The following LHFPL3 variants were observed in gnomAD, a reference collection of about 807,000 sequenced individuals.
LHFPL3 encodes LHFPL tetraspan subfamily member 3 protein.
In LHFPL3, 5 loss-of-function variants were observed where a neutral mutation model predicts 19.3. The observed-to-expected ratio is 0.26, with a 90% CI of 0.14 to 0.54. LHFPL3 has a LOEUF of 0.54. LHFPL3 is among the 20% of genes least tolerant of loss of function. LHFPL3 has a pLI of 0.94. For missense variants in LHFPL3, 249 were observed against 307.4 expected, an observed-to-expected ratio of 0.81 and a Z score of 1.42; for synonymous variants, 133 against 126.2, an observed-to-expected ratio of 1.05 and a Z score of -0.36.
At position 104,818,780 on chromosome 7, in the gene LHFPL3, T is replaced by TTC. The variant is rs147373563; in HGVS notation, c.682+81890_682+81891dup. 2.4e-3 allele frequency among the ~76,000 whole-genome samples: 357 copies of TTC among 148,292 alleles called. 1 individual carries two copies. The highest frequency in any genetic ancestry group is 7.1e-3 in the Middle Eastern group (2 of 280). ...TTTGTTTTAATAAGCCCTTTCTCCT[T>TTC]TCTCTCTCTCTCTCTCTCTCTCACT... On this transcript the variant is annotated intron_variant, in intron 2 of 2. Transcript: ENST00000424859.
intron 1 of LHFPL3, among the ~76,000 whole-genome samples, chr7:104,693,799 T>C (rs1792949870): frequency 6.6e-6 from 1 of 151,346 alleles, no homozygotes; most frequent in Non-Finnish European, 1.5e-5. Flanking sequence ...GTGGGGTTTT[T>C]TTTTTGTATT....
At chr7:104,728,305 AC>A (rs1793627697) in intron 1 of LHFPL3, among the ~76,000 whole-genome samples, 1 of 151,854 alleles carries the variant, frequency 6.6e-6, no homozygotes, top group South Asian at 2.1e-4. Flanking sequence ...TTATATAGCA[AC>A]CCTCTTGCTA....
At chr7:104,693,523 T>G (rs1238471046) in intron 1 of LHFPL3, among the ~76,000 whole-genome samples, 1 of 152,148 alleles carries the variant, frequency 6.6e-6, no homozygotes, top group East Asian at 1.9e-4. Context: ...GTTCTCATGA[T>G]AGTGCGTGAG....
chr7:104,659,111 C>G (rs766395056), intron 1 of LHFPL3, among the ~76,000 whole-genome samples: 1 of 152,202 alleles, frequency 6.6e-6, no homozygotes, highest in African/African-American at 2.4e-5. Flanking sequence ...CCCACGGAAC[C>G]CCCTTCTTCT....
At chr7:104,631,352 A>T (rs1036287769) in intron 1 of LHFPL3, among the ~76,000 whole-genome samples, 11 of 151,458 alleles carry the variant, frequency 7.3e-5, no homozygotes, top group African/African-American at 2.7e-4. Flanking sequence ...ATGTCCCCCC[A>T]ACCCAACTCT....
intron 1 of LHFPL3, among the ~76,000 whole-genome samples, chr7:104,501,986 C>T (rs1365897283): frequency 6.6e-6 from 1 of 152,126 alleles, no homozygotes; most frequent in Non-Finnish European, 1.5e-5. Flanking sequence ...TCAAAATAAT[C>T]AGATTGTGCT....
At chr7:104,768,125 T>C (rs1794489806) in intron 2 of LHFPL3, among the ~76,000 whole-genome samples, 1 of 134,342 alleles carries the variant, frequency 7.4e-6, no homozygotes, top group Admixed American at 8.1e-5. Flanking sequence ...CAAACACCCT[T>C]GTGATTATTC....
intron 1 of LHFPL3, among the ~76,000 whole-genome samples, chr7:104,650,066 T>C (rs1339259236): frequency 6.6e-6 from 1 of 152,272 alleles, no homozygotes; most frequent in South Asian, 2.1e-4. Context: ...TTTATTCCCA[T>C]TCAAGAAGTG....
At chr7:104,695,212 T>G (rs1173573551) in intron 1 of LHFPL3, among the ~76,000 whole-genome samples, 1 of 152,308 alleles carries the variant, frequency 6.6e-6, no homozygotes, top group Non-Finnish European at 1.5e-5. Flanking sequence ...ACTCCTGGCC[T>G]CACTTCAGCC....
At chr7:104,484,185 C>A (rs752563429) in intron 1 of LHFPL3, among the ~76,000 whole-genome samples, 9 of 152,056 alleles carry the variant, frequency 5.9e-5, no homozygotes, top group Non-Finnish European at 1.2e-4. Context: ...TGTGTCCTAC[C>A]TCTTCAGCCA....
Position 104,372,997 on chromosome 7 carries a change from C to CAAAAAAAA in LHFPL3, c.445+43777_445+43784dup, listed in dbSNP as rs58010609. 3.5e-4 allele frequency among the ~76,000 whole-genome samples: 44 copies of CAAAAAAAA among 126,428 alleles called. 2 individuals carry two copies. Among genetic ancestry groups the CAAAAAAAA allele is most frequent in the East Asian group, 1.1e-3 (5 of 4,538 alleles). 82.9% of individuals were successfully genotyped at this position (126,428 alleles called of 152,430 possible). A position where few individuals can be genotyped will look rare whatever the true frequency, so the allele number is the denominator to read the frequency against. On this transcript the variant is annotated intron_variant, in intron 1 of 2. Coordinates refer to ENST00000424859, the MANE Select transcript of LHFPL3 (RefSeq NM_199000.3). ...CAAAGTTTTCCTGAGAGCTTCTTTACAAAAAAAAAAAGCAGTTCCCTGGGC... is the reference window on the plus strand; with the variant it reads ...CAAAGTTTTCCTGAGAGCTTCTTTACAAAAAAAAAAAAAAAAAAAGCAGTTCCCTGGGC...
chr7:104,559,956 G>T (rs1789951079), intron 1 of LHFPL3, among the ~76,000 whole-genome samples: 1 of 150,188 alleles, frequency 6.7e-6, no homozygotes, highest in South Asian at 2.1e-4. Context: ...TTTTGTCGTT[G>T]GTTCTGTTTA....
intron 1 of LHFPL3, among the ~76,000 whole-genome samples, chr7:104,578,246 A>G (rs1251925836): frequency 6.6e-6 from 1 of 152,218 alleles, no homozygotes; most frequent in Admixed American, 6.5e-5. Context: ...AGGTGTGGGT[A>G]ACTCCTAGAG....
At chr7:104,378,226 C>A (rs10263185) in intron 1 of LHFPL3, among the ~76,000 whole-genome samples, 3,460 of 152,276 alleles carry the variant, frequency 0.023, 133 homozygotes, top group African/African-American at 0.078. Context: ...TGCCTTTTTG[C>A]AGTTATCCCC....
At chr7:104,828,939 G>T (rs1401353780) in intron 2 of LHFPL3, among the ~76,000 whole-genome samples, 1 of 151,924 alleles carries the variant, frequency 6.6e-6, no homozygotes, top group Non-Finnish European at 1.5e-5. Flanking sequence ...GGAGGCTGGG[G>T]TGGGAGAATC....
At chr7:104,407,792 C>T (rs1360407943) in intron 1 of LHFPL3, among the ~76,000 whole-genome samples, 1 of 152,216 alleles carries the variant, frequency 6.6e-6, no homozygotes, top group African/African-American at 2.4e-5. Context: ...CATGCTTTGT[C>T]TCCAACTTGG....
chr7:104,571,430 G>T (rs1428280993), intron 1 of LHFPL3, among the ~76,000 whole-genome samples: 2 of 152,042 alleles, frequency 1.3e-5, no homozygotes, highest in Non-Finnish European at 2.9e-5. Context: ...ATAAATCACA[G>T]CATCTTCTGT....
At chr7:104,717,804 A>G (rs2116236484) in intron 1 of LHFPL3, among the ~76,000 whole-genome samples, 1 of 152,314 alleles carries the variant, frequency 6.6e-6, no homozygotes, top group African/African-American at 2.4e-5. Context: ...ACTTCTGAGT[A>G]TTATTCCAAA....
chr7:104,333,840 C>G (rs1259058335), intron 1 of LHFPL3, among the ~76,000 whole-genome samples: 1 of 152,146 alleles, frequency 6.6e-6, no homozygotes, highest in African/African-American at 2.4e-5. Flanking sequence ...TCCATAAGGC[C>G]TTGACTGTTT....
Sources: gnomAD v4.1 joint callset for allele counts (sites outside exome capture counted in the v4.1 genomes callset) on GRCh38, gnomAD v4.1.1 for gene constraint, MANE v1.5 for transcripts, NCBI Gene and HGNC (gene_info 2026-07-23, HGNC 2026-07-21) for gene names.